Variants in MAP2 observed in about 807,000 individuals in gnomAD.
MAP2 encodes the protein microtubule associated protein 2, also known as microtubule-associated protein 2.
MAP2 carries 14 observed loss-of-function variants against 137.6 expected under a neutral mutation model. The ratio of observed to expected loss-of-function variants is 0.10; its 90% CI spans 0.07 to 0.16. MAP2 has a LOEUF of 0.16. Among genes scored for constraint, MAP2 ranks in the 10% least tolerant of loss-of-function variants. MAP2 has a pLI of 1.00. For synonymous variants in MAP2, 786 were observed against 782.3 expected (o/e 1.00, Z -0.08); for missense variants, 2,088 against 2,191.5 (o/e 0.95, Z 0.94).
chr2:209,588,668 A>G (rs1405381279), intron 3 of MAP2, among the ~76,000 whole-genome samples: 1 of 152,178 alleles, frequency 6.6e-6, no homozygotes, highest in Non-Finnish European at 1.5e-5. Context: ...TCATGTTAAC[A>G]TATACAGAAT....
intron 2 of MAP2, among the ~76,000 whole-genome samples, chr2:209,514,598 T>G (rs972341302): frequency 6.6e-6 from 1 of 152,150 alleles, no homozygotes; most frequent in African/African-American, 2.4e-5. Context: ...TAAAAAGTAT[T>G]ATAACCTAAA....
chr2:209,430,642 A>C (rs1169161421), intron 1 of MAP2, among the ~76,000 whole-genome samples: 1 of 152,188 alleles, frequency 6.6e-6, no homozygotes, highest in Non-Finnish European at 1.5e-5. Flanking sequence ...GTAAAGCTAA[A>C]TCTTGTGCTC....
intron 4 of MAP2, among the ~76,000 whole-genome samples, chr2:209,630,565 T>C (rs1383476405): frequency 6.6e-6 from 1 of 152,118 alleles, no homozygotes; most frequent in Non-Finnish European, 1.5e-5. Flanking sequence ...ATCAGTGAAA[T>C]GGAGTCTCAA....
intron 1 of MAP2, among the ~76,000 whole-genome samples, chr2:209,447,798 T>G (rs191366857): frequency 6.6e-6 from 1 of 152,004 alleles, no homozygotes; most frequent in Non-Finnish European, 1.5e-5. Context: ...ACTCAGAGAA[T>G]AGTGGAAGAT....
chr2:209,629,547 G>C (rs375035653), intron 4 of MAP2, among the ~76,000 whole-genome samples: 5 of 152,134 alleles, frequency 3.3e-5, no homozygotes, highest in Non-Finnish European at 1.5e-5. Context: ...TACTTCATCA[G>C]CATTCAACTC....
chr2:209,490,456 T>C (rs2149973105), intron 1 of MAP2, among the ~76,000 whole-genome samples: 1 of 151,234 alleles, frequency 6.6e-6, no homozygotes, highest in African/African-American at 2.4e-5. Context: ...ATGGGCTAAA[T>C]GCCCCAATTA....
chr2:209,424,426 C>G (rs1691941168), intron 1 of MAP2, 150 bp downstream of exon 1: 1 of 152,688 alleles, frequency 6.5e-6, no homozygotes, highest in Non-Finnish European at 1.5e-5. Flanking sequence ...AGTGGCCAGC[C>G]GTGCACCTGG....
intron 5 of MAP2, among the ~76,000 whole-genome samples, chr2:209,667,319 T>C (rs1325108200): frequency 6.6e-6 from 1 of 152,042 alleles, no homozygotes; most frequent in Non-Finnish European, 1.5e-5. Context: ...TTTTTACTTT[T>C]ACAGTTTTTT....
chr2:209,700,482 G>A, intron 11 of MAP2, 144 bp downstream of exon 11: 2 of 632,684 alleles, frequency 3.2e-6, no homozygotes, highest in Non-Finnish European at 2.7e-6. Flanking sequence ...ATTCTCCGTG[G>A]CATCCAGGCA....
chr2:209,629,081 CATA>C (rs1432964325), intron 4 of MAP2, among the ~76,000 whole-genome samples: 1 of 152,100 alleles, frequency 6.6e-6, no homozygotes, highest in East Asian at 1.9e-4. Context: ...AATTGCAAGC[CATA>C]ATGTATAATA....
chr2:209,587,670 T>C (rs897228574), intron 3 of MAP2, among the ~76,000 whole-genome samples: 4 of 152,088 alleles, frequency 2.6e-5, no homozygotes. Flanking sequence ...CTATAAAATA[T>C]CTAAGAAAAA....
intron 2 of MAP2, among the ~76,000 whole-genome samples, chr2:209,551,713 G>C (rs941470638): frequency 6.6e-6 from 1 of 152,114 alleles, no homozygotes; most frequent in Non-Finnish European, 1.5e-5. Flanking sequence ...TCTCTCTGTG[G>C]AAGTCATAAA....
intron 2 of MAP2, among the ~76,000 whole-genome samples, chr2:209,515,455 T>G (rs1389788345): frequency 6.6e-6 from 1 of 152,066 alleles, no homozygotes; most frequent in Non-Finnish European, 1.5e-5. Context: ...ACAATCATGG[T>G]GCAAGCGGAA....
chr2:209,523,245 C>A (rs2063537400), intron 2 of MAP2, among the ~76,000 whole-genome samples: 1 of 152,174 alleles, frequency 6.6e-6, no homozygotes, highest in East Asian at 1.9e-4. Context: ...CTTTATTCTC[C>A]CTCCCTAATC....
chr2:209,586,764 A>G (rs1370900365), intron 3 of MAP2, among the ~76,000 whole-genome samples: 1 of 152,178 alleles, frequency 6.6e-6, no homozygotes, highest in Non-Finnish European at 1.5e-5. Flanking sequence ...CTCCCAAGTA[A>G]TGATGCTGCT....
rs2153765574 is a variant in MAP2 at position 209,710,251 on chromosome 2, G to A, written c.5070G>A (p.Gly1690=). ...TDNIKYQPKG[G]QVQIVTKKID... ...ACATCAAATACCAGCCTAAAGGGGG[G>A]CAGGTAAGAATTGCATGAACACATA... Residue 1690 remains glycine (G), a synonymous_variant, in exon 13 of 16, where the codon GGG becomes GGA. Coordinates refer to ENST00000682079, the MANE Select transcript of MAP2 (RefSeq NM_001375505.1). The A allele has an allele frequency of 1.3e-6, 2 of 1,566,522 alleles. No individual in the cohort carries two copies. Among genetic ancestry groups the A allele is most frequent in the South Asian group, 1.2e-5 (1 of 86,392 alleles).
At chr2:209,577,259 T>G (rs1376045443) in intron 2 of MAP2, among the ~76,000 whole-genome samples, 1 of 152,076 alleles carries the variant, frequency 6.6e-6, no homozygotes, top group Non-Finnish European at 1.5e-5. Flanking sequence ...GTATGTAGGA[T>G]TCACTAAAAC....
chr2:209,536,739 T>G (rs759612586), intron 2 of MAP2, among the ~76,000 whole-genome samples: 19 of 152,186 alleles, frequency 1.2e-4, no homozygotes, highest in Non-Finnish European at 2.2e-4. Context: ...TTGAGTTACT[T>G]GTTAATCTAA....
intron 15 of MAP2, 84 bp downstream of exon 15, chr2:209,730,046 G>A (rs905890611): frequency 2.2e-5 from 25 of 1,157,804 alleles, no homozygotes; most frequent in South Asian, 1.3e-4. Flanking sequence ...GTCCCAGATT[G>A]TAGACCTGGA....
Sources: allele counts gnomAD v4.1 joint callset (sites outside exome capture counted in the v4.1 genomes callset), GRCh38; gene constraint gnomAD v4.1.1; transcripts MANE v1.5; gene names NCBI Gene and HGNC (gene_info 2026-07-23, HGNC 2026-07-21).